The following EP400 variants were observed in gnomAD, a reference collection of about 807,000 sequenced individuals.
EP400 encodes E1A binding protein p400, also known as E1A-binding protein p400.
Under a neutral mutation model 354.1 loss-of-function variants are expected in EP400, and 105 were observed. The observed-to-expected ratio is 0.30, with a 90% CI of 0.25 to 0.35. The LOEUF is 0.35. Among genes scored for constraint, EP400 ranks in the 10% least tolerant of loss-of-function variants. The pLI, the probability that EP400 is intolerant of heterozygous loss-of-function variation, is 1.00. For missense variants in EP400, 3,280 were observed against 4,121.0 expected (o/e 0.80, Z 5.59); for synonymous variants, 1,646 against 1,716.9 (o/e 0.96, Z 1.02).
In EP400 at chr12:132,075,531, C is replaced by T. The variant is rs1423790306; in HGVS notation, c.9022-985C>T. 2.0e-5 allele frequency among the ~76,000 whole-genome samples: 3 copies of T among 152,134 alleles called. No homozygotes were observed. The highest frequency in any genetic ancestry group is 6.5e-5 in the Admixed American group (1 of 15,274). ...GGTCTTGAGATGGGCCCTGGAGCAC[C>T]GGCTGCATCTTTGTTTCCCAGCAGT... On this transcript the variant is annotated intron_variant, in intron 51 of 52. Transcript: ENST00000389561. The surrounding 1 kb of genome is among the most constrained non-coding windows in gnomAD (Gnocchi z 4.5).
In EP400 at chr12:132,044,901, G is replaced by C. The variant is rs1895033628; in HGVS notation, c.6732G>C (p.Leu2244=). 3 of 1,614,150 alleles carry C rather than the reference G, an allele frequency of 1.9e-6. No homozygotes were observed. The highest frequency in any genetic ancestry group is 2.5e-6 in the Non-Finnish European group (3 of 1,180,022). ...YEATPIPEAK[L]PPVYVRKERK... is the part of the protein sequence containing the mutation. ...CCACTCCCATCCCAGAGGCTAAGCTGCCCCCTGTGTACGTGAGGAAGGAGC... is the reference window on the plus strand; with the variant it reads ...CCACTCCCATCCCAGAGGCTAAGCTCCCCCCTGTGTACGTGAGGAAGGAGC... Residue 2244 remains leucine, a synonymous_variant, in exon 37 of 53, where the codon CTG becomes CTC. Transcript: ENST00000389561.
At position 131,985,039 on chromosome 12, in the gene EP400, A is replaced by G. The variant is rs529565558; in HGVS notation, c.1930-1475A>G. Among the ~76,000 whole-genome samples the G allele has an allele frequency of 9.9e-5, 15 of 151,878 alleles. 1 individual carries two copies. In the East Asian group the frequency reaches 2.7e-3, roughly 27 times the overall value. ...TGTTTTTTTTTTTTTACTTTTTAGT[A>G]GAGATGGGCTTTTGCCATGTTGGCC... On this transcript the variant is annotated intron_variant, in intron 5 of 52. Transcript: ENST00000389561.
intron 1 of EP400, among the ~76,000 whole-genome samples, chr12:131,955,484 G>A (rs189102882): frequency 3.9e-5 from 6 of 152,058 alleles, no homozygotes; most frequent in Non-Finnish European, 5.9e-5. Context: ...GTTTCTCCAC[G>A]TTGGTCAGGC....
At chr12:132,012,898 T>C in intron 16 of EP400, 111 bp from the exon 17 acceptor site, 1 of 1,113,608 alleles carries the variant, frequency 9.0e-7, no homozygotes, top group Non-Finnish European at 1.2e-6. Flanking sequence ...AGTAAAATTA[T>C]AGGTGGGAAC....
At chr12:132,007,817 A>G (rs569400419) in intron 15 of EP400, among the ~76,000 whole-genome samples, 1 of 152,322 alleles carries the variant, frequency 6.6e-6, no homozygotes, top group East Asian at 1.9e-4. Flanking sequence ...TAGGGAAGCG[A>G]TGACCCCATG....
Position 132,032,005 on chromosome 12 carries a change from C to T in EP400, c.5807C>T (p.Ser1936Phe), listed in dbSNP as rs746664723. ...RDRRIFCAIL[S>F]THSRTTGINL... The stretch of plus-strand genomic sequence containing the variant: ...AGGCGGATTTTTTGTGCCATTCTCT[C>T]CACTCACAGCCGTACCACAGGTATA... Residue 1936 changes from serine (S) to phenylalanine (F), a missense_variant, in exon 30 of 53, where the codon TCC becomes TTC. Physicochemically the swap from Ser to Phe is radical, Grantham distance 155. Around this residue, in one of 20 missense-constraint regions of EP400, gnomAD observed 459 missense variants for 496.9 expected, o/e 0.92. Transcript: ENST00000389561. The T allele has an allele frequency of 6.2e-7, 1 of 1,613,940 alleles. No homozygotes were observed. Among genetic ancestry groups the T allele is most frequent in the South Asian group, 1.1e-5 (1 of 91,046 alleles).
rs998630086 is a variant in EP400 at position 131,962,162 on chromosome 12, T to A, written c.1335+208T>A. 2.0e-5 allele frequency among the ~76,000 whole-genome samples: 3 copies of A among 152,208 alleles called. No individual in the cohort carries two copies. The East Asian group carries it at 5.8e-4, about 29-fold the overall frequency. On this transcript the variant is annotated intron_variant, in intron 2 of 52. Transcript: ENST00000389561. ...AAGAGCTGTTGAGCGCAGAAGTGTG[T>A]CAGGAGGAAGGGACGGAGCTGCGCT...
intron 12 of EP400, among the ~76,000 whole-genome samples, chr12:131,999,497 G>A (rs1304949459): frequency 6.6e-6 from 1 of 152,162 alleles, no homozygotes. Flanking sequence ...GGAGTGCAGT[G>A]GCACGATCTC....
rs1177485472 is a variant in EP400, at chr12:131,987,816, C to T, written c.2335C>T (p.Leu779=). The T allele has an allele frequency of 2.7e-5, 43 of 1,613,544 alleles. No individual in the cohort carries two copies. The South Asian group carries it at 4.5e-4, about 17-fold the overall frequency. The change falls in exon 7 of 53, where the codon CTG becomes TTG. Residue 779 remains leucine (L), a synonymous_variant. Coordinates refer to ENST00000389561, the MANE Select transcript of EP400 (RefSeq NM_015409.5). ...APRPKSHWDY[L]LEEMQWMATD... Reference sequence around the variant, plus strand: ...ACGCCCCAAGTCCCACTGGGACTATCTGCTGGAGGAGATGCAGTGGATGGC... The same window carrying T: ...ACGCCCCAAGTCCCACTGGGACTATTTGCTGGAGGAGATGCAGTGGATGGC...
chr12:131,984,270 A>G (rs1338656530), intron 5 of EP400, among the ~76,000 whole-genome samples: 1 of 152,202 alleles, frequency 6.6e-6, no homozygotes, highest in Admixed American at 6.5e-5. Flanking sequence ...TAACAATAAT[A>G]GCTATCTCTT....
At chr12:131,977,814 C>T (rs1892535951) in intron 2 of EP400, among the ~76,000 whole-genome samples, 1 of 152,154 alleles carries the variant, frequency 6.6e-6, no homozygotes, top group African/African-American at 2.4e-5. Flanking sequence ...AGTAACTCTT[C>T]CTAAGCCTTT....
chr12:132,015,261 C>T (rs1394175350), intron 19 of EP400, among the ~76,000 whole-genome samples: 1 of 152,248 alleles, frequency 6.6e-6, no homozygotes, highest in Non-Finnish European at 1.5e-5. Flanking sequence ...AGCAGCACTT[C>T]ATTCCACACC....
At position 132,038,142 on chromosome 12, in the gene EP400, G is replaced by T; in HGVS notation, c.6207+46G>T. ...GCTGAAGAGTTGCACGGTGGGAGCC[G>T]GCGGAACACCTGCACCCTCCCCCAG... On this transcript the variant is annotated intron_variant, in intron 32 of 52. Coordinates refer to ENST00000389561, the MANE Select transcript of EP400 (RefSeq NM_015409.5). This position sits in a 1 kb window ranked among gnomAD's most constrained non-coding sequence, Gnocchi z 4.2. The T allele has an allele frequency of 6.2e-7, 1 of 1,609,364 alleles. No homozygotes were observed. Among genetic ancestry groups the T allele is most frequent in the Non-Finnish European group, 8.5e-7 (1 of 1,176,994 alleles).
chr12:132,059,470 C>T (rs1047518261), intron 45 of EP400, among the ~76,000 whole-genome samples: 9 of 152,156 alleles, frequency 5.9e-5, no homozygotes, highest in African/African-American at 2.2e-4. Flanking sequence ...TGAAGTCTAC[C>T]TGCTTCAGTG....
rs2136586566 is a variant in EP400 at position 132,050,316 on chromosome 12, A to G, written c.7201-7A>G. On this transcript the variant is annotated splice_region_variant and splice_polypyrimidine_tract_variant and intron_variant, in intron 39 of 52. Transcript: ENST00000389561. The surrounding 1 kb of genome is among the most constrained non-coding windows in gnomAD (Gnocchi z 4.8). ...ATTCAGATGCACTCTCGTCAATTTC[A>G]TTGCAGAGTAAAAACAACCGTCCTC... The G allele has an allele frequency of 6.2e-7, 1 of 1,614,012 alleles. No individual in the cohort carries two copies. Among genetic ancestry groups the G allele is most frequent in the Non-Finnish European group, 8.5e-7 (1 of 1,179,972 alleles).
chr12:132,038,421 C>T lies in EP400; in HGVS notation c.6207+325C>T, dbSNP rs1372043301. On this transcript the variant is annotated intron_variant, in intron 32 of 52. Transcript: ENST00000389561. This position sits in a 1 kb window ranked among gnomAD's most constrained non-coding sequence, Gnocchi z 4.2. ...TCTATCCCTGCCTCCTCTGGAGGCT[C>T]TGCGGGCACTACCCCTACTCCCCTC... Among the ~76,000 whole-genome samples the T allele has an allele frequency of 6.6e-6, 1 of 152,228 alleles. No individual in the cohort carries two copies. Among genetic ancestry groups the T allele is most frequent in the African/African-American group, 2.4e-5 (1 of 41,464 alleles).
At position 131,982,307 on chromosome 12, in the gene EP400, C is replaced by G. The variant is rs771532443; in HGVS notation, c.1758C>G (p.Ala586=). The part of the protein sequence containing the change: ...QFAQQPQVVE[A]QTQLQIPVKT... ...CACAGCAGCCGCAAGTGGTAGAGGC[C>G]CAGACACAGCTCCAAATCCCGGTGA... The change falls in exon 5 of 53, where the codon GCC becomes GCG. Residue 586 remains alanine (A), a synonymous_variant. Transcript: ENST00000389561. 6.2e-7 allele frequency: 1 copy of G among 1,614,146 alleles called. No homozygotes were observed. The highest frequency in any genetic ancestry group is 1.1e-5 in the South Asian group (1 of 91,084).
chr12:131,987,835 G>T lies in EP400; in HGVS notation c.2354G>T (p.Trp785Leu). The change falls in exon 7 of 53, where the codon TGG (tryptophan) becomes TTG (leucine). Residue 785 changes from tryptophan to leucine, a missense_variant. Physicochemically the swap from Trp to Leu is moderately conservative, Grantham distance 61. This residue lies in a region of EP400 where 800 missense variants were observed against 840.0 expected (regional missense o/e 0.95). Transcript: ENST00000389561. ...GACTATCTGCTGGAGGAGATGCAGT[G>T]GATGGCCACAGACTTTGCCCAGGAG... ...HWDYLLEEMQ[W>L]MATDFAQERR... The T allele has an allele frequency of 6.2e-7, 1 of 1,613,640 alleles. No individual in the cohort carries two copies. Among genetic ancestry groups the T allele is most frequent in the Admixed American group, 1.7e-5 (1 of 59,952 alleles).
At chr12:132,031,656 C>T (rs1207697046) in intron 29 of EP400, among the ~76,000 whole-genome samples, 2 of 152,182 alleles carry the variant, frequency 1.3e-5, no homozygotes, top group Non-Finnish European at 2.9e-5. Context: ...CCCGGGTTCA[C>T]GCCATTCTCC....
Sources: allele counts gnomAD v4.1 joint callset (sites outside exome capture counted in the v4.1 genomes callset), GRCh38; gene constraint gnomAD v4.1.1; regional missense constraint gnomAD v4.1.1; non-coding constraint Gnocchi (gnomAD v3.1); transcripts MANE v1.5; gene names NCBI Gene and HGNC (gene_info 2026-07-23, HGNC 2026-07-21).